Variants in CYTH3 observed in about 807,000 individuals in gnomAD.
CYTH3 encodes cytohesin-3.
CYTH3 carries 23 observed loss-of-function variants against 55.1 expected under a neutral mutation model. That is an observed-to-expected ratio of 0.42 (90% CI 0.30 to 0.59). The LOEUF (loss-of-function observed/expected upper bound fraction) is 0.59, where lower values mean the gene tolerates loss of function less well. CYTH3 is among the 20% of genes least tolerant of loss of function. CYTH3 has a pLI of 0.20. For missense variants in CYTH3, 413 were observed against 524.8 expected (o/e 0.79, Z 2.08); for synonymous variants, 249 against 194.9 (o/e 1.28, Z -2.31).
chr7:6,187,178 G>T (rs1783676390), intron 3 of CYTH3, 62 bp from the exon 4 acceptor site: 3 of 1,528,056 alleles, frequency 2.0e-6, no homozygotes, highest in Non-Finnish European at 9.1e-7. Flanking sequence ...CCCAGTCACG[G>T]CCCTCCAGTG....
intron 11 of CYTH3, 41 bp from the exon 12 acceptor site, chr7:6,165,468 G>C: frequency 3.1e-6 from 5 of 1,609,274 alleles, no homozygotes; most frequent in Non-Finnish European, 4.2e-6. Context: ...AGGGGGGCTT[G>C]GGGCAGGTTC....
In CYTH3 at chr7:6,165,335, A is replaced by G. The variant is rs769271999; in HGVS notation, c.1065T>C (p.His355=). Residue 355 remains histidine, a synonymous_variant, in exon 12 of 13, where the codon CAT becomes CAC. Transcript: ENST00000350796. ...EADGRVVEGN[H]VVYRISAPSP... ...TCGGGGCTGAGATCCGGTACACCACATGGTTCCCCTCTACCACGCGGCCGT... is the reference window on the plus strand; with the variant it reads ...TCGGGGCTGAGATCCGGTACACCACGTGGTTCCCCTCTACCACGCGGCCGT... 5.8e-5 allele frequency: 94 copies of G among 1,613,906 alleles called. No individual in the cohort carries two copies. Among genetic ancestry groups the G allele is most frequent in the Non-Finnish European group, 7.2e-5 (85 of 1,180,004 alleles).
chr7:6,175,806 CA>C lies in CYTH3; in HGVS notation c.368+2016del, dbSNP rs1194669797. Among the ~76,000 whole-genome samples the C allele has an allele frequency of 3.3e-5, 5 of 152,116 alleles. No homozygotes were observed. In the East Asian group the frequency reaches 9.6e-4, roughly 29 times the overall value. ...AGGTGATCTGCCCGTCTCAGCCTCC[CA>C]AAATGCTGGGATTACAGAGTGAGTC... is the stretch of plus-strand genomic sequence containing the variant. On this transcript the variant is annotated intron_variant, in intron 5 of 12. Transcript: ENST00000350796.
At chr7:6,182,319 G>A (rs748717203) in intron 4 of CYTH3, among the ~76,000 whole-genome samples, 3 of 151,982 alleles carry the variant, frequency 2.0e-5, no homozygotes, top group Non-Finnish European at 2.9e-5. Flanking sequence ...CAAAGTGCTC[G>A]GATTACAGGC....
rs577031256 is a variant in CYTH3, at chr7:6,212,005, A to C, written c.35-21474T>G. Reference sequence around the variant, plus strand: ...TGTCTCAAAAATAAATAAATAAATAAATAAAAAATACTAGGGTCTTATTCA... The same window carrying C: ...TGTCTCAAAAATAAATAAATAAATACATAAAAAATACTAGGGTCTTATTCA... On this transcript the variant is annotated intron_variant, in intron 1 of 12. Coordinates refer to ENST00000350796, the MANE Select transcript of CYTH3 (RefSeq NM_004227.4). 2.6e-5 allele frequency among the ~76,000 whole-genome samples: 4 copies of C among 152,218 alleles called. No homozygotes were observed. The East Asian group carries it at 5.8e-4, about 22-fold the overall frequency.
At position 6,259,792 on chromosome 7, in the gene CYTH3, TATATA is replaced by T. The variant is rs1169467637; in HGVS notation, c.34+12677_34+12681del. On this transcript the variant is annotated intron_variant, in intron 1 of 12. Coordinates refer to ENST00000350796, the MANE Select transcript of CYTH3 (RefSeq NM_004227.4). ...ATATATTATATATATATAATATATATATATATATATATATATATATAATATATATA... is the reference window on the plus strand; with the variant it reads ...ATATATTATATATATATAATATATATTATATATATATATATAATATATATA... Among the ~76,000 whole-genome samples the T allele has an allele frequency of 1.3e-3, 19 of 15,006 alleles. 3 individuals carry two copies. In the African/African-American group the frequency reaches 0.018, roughly 14 times the overall value. The allele number at this position is 15,006 out of a possible 152,430, so 9.8% of individuals were successfully genotyped here.
At position 6,169,742 on chromosome 7, in the gene CYTH3, T is replaced by C. The variant is rs1278175131; in HGVS notation, c.823+793A>G. The stretch of plus-strand genomic sequence containing the variant: ...AAAGGCCTTTAGAGCACTCCCGAAA[T>C]CTCTCCATGCGCTGCTGGGTTAGTA... On this transcript the variant is annotated intron_variant, in intron 9 of 12. Transcript: ENST00000350796. The surrounding 1 kb of genome is among the most constrained non-coding windows in gnomAD (Gnocchi z 4.1). Among the ~76,000 whole-genome samples, 5 of 151,918 alleles carry C rather than the reference T, an allele frequency of 3.3e-5. No homozygotes were observed. In the East Asian group the frequency reaches 7.7e-4, roughly 24 times the overall value.
intron 4 of CYTH3, among the ~76,000 whole-genome samples, chr7:6,185,647 C>G (rs900228711): frequency 6.6e-6 from 1 of 151,130 alleles, no homozygotes; most frequent in African/African-American, 2.4e-5. Flanking sequence ...TTGCGGTGGG[C>G]CGAGATCGCA....
chr7:6,189,481 G>A (rs1262013792), intron 2 of CYTH3, among the ~76,000 whole-genome samples: 1 of 151,932 alleles, frequency 6.6e-6, no homozygotes, highest in African/African-American at 2.4e-5. Flanking sequence ...ATGGTGGCGT[G>A]CATTTTTTGT....
chr7:6,230,072 T>C (rs1779350567), intron 1 of CYTH3, among the ~76,000 whole-genome samples: 1 of 151,932 alleles, frequency 6.6e-6, no homozygotes, highest in Non-Finnish European at 1.5e-5. Flanking sequence ...AGGTGGAGGT[T>C]GCAATAAGCC....
At position 6,167,544 on chromosome 7, in the gene CYTH3, G is replaced by A. The variant is rs1219721605; in HGVS notation, c.824-1734C>T. On this transcript the variant is annotated intron_variant, in intron 9 of 12. Transcript: ENST00000350796. This position sits in a 1 kb window ranked among gnomAD's most constrained non-coding sequence, Gnocchi z 5.5. ...GCCAGCTGCCATCCCCCAAACAGCG[G>A]CCAAAGGCATCTTTTCAAAAACGTG... Among the ~76,000 whole-genome samples, 1 of 152,238 alleles carries A rather than the reference G, an allele frequency of 6.6e-6. No homozygotes were observed. The highest frequency in any genetic ancestry group is 2.4e-5 in the African/African-American group (1 of 41,466).
At chr7:6,217,937 C>T (rs1784463107) in intron 1 of CYTH3, among the ~76,000 whole-genome samples, 1 of 152,020 alleles carries the variant, frequency 6.6e-6, no homozygotes, top group East Asian at 1.9e-4. Context: ...AATCCCAACA[C>T]TTTGGAAGGC....
Position 6,167,075 on chromosome 7 carries a change from G to A in CYTH3, c.824-1265C>T, listed in dbSNP as rs1783030592. Among the ~76,000 whole-genome samples the A allele has an allele frequency of 6.6e-6, 1 of 152,144 alleles. No individual in the cohort carries two copies. The highest frequency in any genetic ancestry group is 1.5e-5 in the Non-Finnish European group (1 of 68,022). ...ACCCCTGCAAGCTGCTCCGTCACTG[G>A]AACCCTCTGCCCCAACTGTGGCACC... On this transcript the variant is annotated intron_variant, in intron 9 of 12. Transcript: ENST00000350796. The surrounding 1 kb of genome is among the most constrained non-coding windows in gnomAD (Gnocchi z 5.5).
Position 6,165,537 on chromosome 7 carries a change from G to A in CYTH3, c.972+8C>T, listed in dbSNP as rs1782974095. On this transcript the variant is annotated splice_region_variant and intron_variant, in intron 11 of 12. Coordinates refer to ENST00000350796, the MANE Select transcript of CYTH3 (RefSeq NM_004227.4). ...GGCAGGAGAGAAGGTTCAGGAGGAA[G>A]AGCTTACGGGTTTCCGGGGGTCCTC... 6.2e-7 allele frequency: 1 copy of A among 1,613,590 alleles called. No individual in the cohort carries two copies. The highest frequency in any genetic ancestry group is 8.5e-7 in the Non-Finnish European group (1 of 1,179,672).
At chr7:6,263,780 AGAGT>A (rs1780415062) in intron 1 of CYTH3, among the ~76,000 whole-genome samples, 1 of 151,854 alleles carries the variant, frequency 6.6e-6, no homozygotes, top group African/African-American at 2.4e-5. Context: ...CCTGGGAAAC[AGAGT>A]GAGGACACTA....
At chr7:6,219,312 C>T (rs941877035) in intron 1 of CYTH3, among the ~76,000 whole-genome samples, 1 of 152,132 alleles carries the variant, frequency 6.6e-6, no homozygotes, top group Admixed American at 6.5e-5. Flanking sequence ...AAAGGTGCAA[C>T]CTGGTTTCTT....
chr7:6,183,973 G>C (rs1583755259), intron 4 of CYTH3, among the ~76,000 whole-genome samples: 1 of 149,642 alleles, frequency 6.7e-6, no homozygotes, highest in African/African-American at 2.5e-5. Flanking sequence ...AATCATGCTG[G>C]CACCCTCATC....
chr7:6,265,175 G>A (rs533237726), intron 1 of CYTH3, among the ~76,000 whole-genome samples: 1 of 152,048 alleles, frequency 6.6e-6, no homozygotes. Context: ...GAGATAGCAG[G>A]GGACTAGAGT....
rs1035748793 is a variant in CYTH3 at position 6,164,722 on chromosome 7, G to A, written c.*222C>T. The A allele has an allele frequency of 1.3e-5, 8 of 624,050 alleles. No homozygotes were observed. Among genetic ancestry groups the A allele is most frequent in the Admixed American group, 2.8e-5 (1 of 36,350 alleles). The allele number at this position is 624,050 out of a possible 1,614,324, so 38.7% of individuals were successfully genotyped here. ...GGCCTCGAGGATCAGTCTGGGCCAC[G>A]GTACGCTCTGGAGCAGCAGCTTGCA... On this transcript the variant is annotated 3_prime_UTR_variant, in exon 13 of 13. Coordinates refer to ENST00000350796, the MANE Select transcript of CYTH3 (RefSeq NM_004227.4).
Sources: allele counts gnomAD v4.1 joint callset (sites outside exome capture counted in the v4.1 genomes callset), GRCh38; gene constraint gnomAD v4.1.1; non-coding constraint Gnocchi (gnomAD v3.1); transcripts MANE v1.5; gene names NCBI Gene and HGNC (gene_info 2026-07-23, HGNC 2026-07-21).